The following PHF24 variants were observed in gnomAD, a reference collection of about 807,000 sequenced individuals.
PHF24 encodes the protein Galpha inhibitory interacting protein.
In PHF24, 25 loss-of-function variants were observed where a neutral mutation model predicts 42.6. The observed-to-expected ratio is 0.59, with a 90% confidence interval of 0.43 to 0.82. PHF24 has a LOEUF of 0.82. Ranked by LOEUF, PHF24 falls within the 40% of genes least tolerant of loss-of-function variation. The pLI is 0.00. For missense variants in PHF24, 470 were observed against 538.1 expected (o/e 0.87, Z 1.25); for synonymous variants, 185 against 204.8 (o/e 0.90, Z 0.83).
chr9:34,963,939 A>G (rs1371690286), intron 1 of PHF24, among the ~76,000 whole-genome samples: 1 of 152,216 alleles, frequency 6.6e-6, no homozygotes, highest in Non-Finnish European at 1.5e-5. Context: ...TAAATTGTTT[A>G]TGTTGCCCAG....
chr9:34,951,215 T>C, the PHF24 span, among the ~76,000 whole-genome samples: 2 of 152,190 alleles, frequency 1.3e-5, no homozygotes, highest in African/African-American at 2.4e-5. Flanking sequence ...AGGTTTTGGC[T>C]GGCCTGTATT....
chr9:34,909,485 C>A, the PHF24 span, among the ~76,000 whole-genome samples: 10 of 151,794 alleles, frequency 6.6e-5, no homozygotes, highest in Admixed American at 5.9e-4. Context: ...TTCTCACTAT[C>A]ACATTATCTT....
the PHF24 span, among the ~76,000 whole-genome samples, chr9:34,815,207 G>A: frequency 6.6e-6 from 1 of 152,194 alleles, no homozygotes; most frequent in African/African-American, 2.4e-5. Context: ...CTAATTGGTT[G>A]CTTCCGCACA....
chr9:34,836,453 G>A, the PHF24 span, among the ~76,000 whole-genome samples: 1 of 152,164 alleles, frequency 6.6e-6, no homozygotes, highest in Non-Finnish European at 1.5e-5. Flanking sequence ...TAAGAAACCC[G>A]AAGTCTAGTT....
the PHF24 span, among the ~76,000 whole-genome samples, chr9:34,890,509 A>G: frequency 5.3e-5 from 8 of 152,174 alleles, no homozygotes; most frequent in African/African-American, 1.4e-4. Flanking sequence ...GGGTACTGCT[A>G]TGGAACTAGA....
chr9:34,916,343 C>G, the PHF24 span, among the ~76,000 whole-genome samples: 1 of 152,152 alleles, frequency 6.6e-6, no homozygotes, highest in African/African-American at 2.4e-5. Context: ...GAACCCATTG[C>G]CCTGGCAACA....
the PHF24 span, among the ~76,000 whole-genome samples, chr9:34,883,845 G>C: frequency 4.0e-4 from 61 of 152,274 alleles, no homozygotes; most frequent in Non-Finnish European, 5.6e-4. Context: ...TACCATTTGA[G>C]CCAGCCATCC....
the PHF24 span, among the ~76,000 whole-genome samples, chr9:34,813,743 A>C: frequency 1.3e-5 from 2 of 152,334 alleles, no homozygotes; most frequent in South Asian, 2.1e-4. Flanking sequence ...CAATGTCTTC[A>C]TGGGAGTGAC....
At chr9:34,679,191 C>T in the PHF24 span, among the ~76,000 whole-genome samples, 5 of 152,232 alleles carry the variant, frequency 3.3e-5, no homozygotes, top group African/African-American at 1.2e-4. Flanking sequence ...CATTGTCTCT[C>T]ACTTGGCCCT....
At chr9:34,866,381 T>C in the PHF24 span, among the ~76,000 whole-genome samples, 512 of 152,272 alleles carry the variant, frequency 3.4e-3, 1 homozygote, top group South Asian at 0.018. Flanking sequence ...GCAGAAACTC[T>C]TACTCATCTT....
the PHF24 span, among the ~76,000 whole-genome samples, chr9:34,811,804 A>G: frequency 6.6e-6 from 1 of 152,250 alleles, no homozygotes; most frequent in Admixed American, 6.5e-5. Flanking sequence ...TAAAATATCA[A>G]TATCTTAAAA....
the PHF24 span, among the ~76,000 whole-genome samples, chr9:34,947,836 C>T: frequency 1.3e-5 from 2 of 152,080 alleles, no homozygotes; most frequent in East Asian, 1.9e-4. Flanking sequence ...TGGCTGGGCG[C>T]GGTGGCTCAC....
chr9:34,830,356 T>C, the PHF24 span, among the ~76,000 whole-genome samples: 2 of 152,230 alleles, frequency 1.3e-5, no homozygotes, highest in African/African-American at 4.8e-5. Context: ...GCCAGAAATT[T>C]CCAGAGGGAA....
At chr9:34,719,277 G>T in the PHF24 span, among the ~76,000 whole-genome samples, 1 of 152,188 alleles carries the variant, frequency 6.6e-6, no homozygotes, top group Admixed American at 6.5e-5. Context: ...GACCTCAAGT[G>T]ATCCACCCGC....
At chr9:34,852,359 C>T in the PHF24 span, among the ~76,000 whole-genome samples, 2 of 152,156 alleles carry the variant, frequency 1.3e-5, no homozygotes, top group East Asian at 3.8e-4. Flanking sequence ...GCCCCAGCCC[C>T]TACATTGTTC....
At chr9:34,692,811 G>C in the PHF24 span, among the ~76,000 whole-genome samples, 106 of 120,868 alleles carry the variant, frequency 8.8e-4, no homozygotes, top group Middle Eastern at 0.012. Context: ...TTTTGAGACA[G>C]AGTCTCACTC....
At chr9:34,806,068 C>T in the PHF24 span, among the ~76,000 whole-genome samples, 95,778 of 152,026 alleles carry the variant, frequency 0.63, 30,356 homozygotes, top group Admixed American at 0.67. Flanking sequence ...CTCTATTTCA[C>T]TGATGCACAT....
chr9:34,767,289 C>T, the PHF24 span, among the ~76,000 whole-genome samples: 3 of 152,324 alleles, frequency 2.0e-5, no homozygotes, highest in Non-Finnish European at 4.4e-5. Context: ...TTTGTTTGTC[C>T]GTGCCCTTCC....
the PHF24 span, among the ~76,000 whole-genome samples, chr9:34,673,163 C>G: frequency 2.0e-5 from 3 of 152,158 alleles, no homozygotes; most frequent in Admixed American, 6.5e-5. Flanking sequence ...TGACACCAGC[C>G]TAGCCAACCT....
Sources: gnomAD v4.1 joint callset for allele counts (sites outside exome capture counted in the v4.1 genomes callset) on GRCh38, gnomAD v4.1.1 for gene constraint, MANE v1.5 for transcripts, NCBI Gene and HGNC (gene_info 2026-07-23, HGNC 2026-07-21) for gene names.